The following TMEM192 variants were observed in gnomAD, a reference collection of about 807,000 sequenced individuals.
TMEM192 encodes transmembrane protein 192.
A neutral mutation model predicts 26.7 loss-of-function variants in TMEM192; 20 were observed. The observed-to-expected ratio is 0.75, with a 90% CI of 0.53 to 1.09. The LOEUF (loss-of-function observed/expected upper bound fraction) is 1.09, where lower values mean the gene tolerates loss of function less well. TMEM192 is among the 50% of genes least tolerant of loss of function. The probability of loss-of-function intolerance (pLI) is 0.00; values close to 1 mark genes in which losing one functional copy is unlikely to be tolerated. For synonymous variants in TMEM192, 124 were observed against 121.0 expected (o/e 1.02, Z -0.16); for missense variants, 304 against 322.6 (o/e 0.94, Z 0.44).
At chr4:165,100,445 A>C (rs1215385096) in intron 3 of TMEM192, among the ~76,000 whole-genome samples, 183 bp downstream of exon 3, 1 of 152,228 alleles carries the variant, frequency 6.6e-6, no homozygotes, top group Non-Finnish European at 1.5e-5. Context: ...GGCGTGAGCC[A>C]CCGCACCCGG....
At position 165,078,237 on chromosome 4, in the gene TMEM192, T is replaced by A. The variant is rs1487326808; in HGVS notation, c.*1421A>T. On this transcript the variant is annotated 3_prime_UTR_variant, in exon 6 of 6. Transcript: ENST00000306480. ...CCCTATATGGTTACATATCAAATATTGAATATTCAGCTAATGATCAAAAAA... is the reference window on the plus strand; with the variant it reads ...CCCTATATGGTTACATATCAAATATAGAATATTCAGCTAATGATCAAAAAA... 2 of 152,172 alleles carry A rather than the reference T, an allele frequency of 1.3e-5. No individual in the cohort carries two copies. Among genetic ancestry groups the A allele is most frequent in the Non-Finnish European group, 2.9e-5 (2 of 68,038 alleles). The allele number at this position is 152,172 out of a possible 1,614,324, so 9.4% of individuals were successfully genotyped here.
intron 3 of TMEM192, among the ~76,000 whole-genome samples, chr4:165,097,569 CTTT>C (rs574785092): frequency 9.3e-6 from 1 of 107,992 alleles, no homozygotes; most frequent in Non-Finnish European, 1.8e-5. Context: ...TCTGTGGAGC[CTTT>C]TTTTTTTTTT....
chr4:165,095,950 A>ATT (rs35383218), intron 3 of TMEM192, among the ~76,000 whole-genome samples: 2 of 136,310 alleles, frequency 1.5e-5, no homozygotes, highest in African/African-American at 2.7e-5. Context: ...TGCCCAGCTA[A>ATT]TTTTTTTTTT....
At position 165,079,557 on chromosome 4, in the gene TMEM192, A is replaced by G. The variant is rs1734471136; in HGVS notation, c.*101T>C. 7.3e-7 allele frequency: 1 copy of G among 1,363,710 alleles called. No individual in the cohort carries two copies. The highest frequency in any genetic ancestry group is 9.9e-7 in the Non-Finnish European group (1 of 1,015,144). 84.5% of individuals were successfully genotyped at this position (1,363,710 alleles called of 1,614,324 possible). ...TTTCCAACAAACACTGTAAAATGCT[A>G]TTCAGCAAAAGCTGCAGTTCCCCGT... On this transcript the variant is annotated 3_prime_UTR_variant, in exon 6 of 6. Transcript: ENST00000306480.
In TMEM192 at chr4:165,100,873, G is replaced by A; in HGVS notation, c.194C>T (p.Ala65Val). The change falls in exon 3 of 6, where the codon GCA (alanine) becomes GTA (valine). Residue 65 changes from alanine (A) to valine (V), a missense_variant. Transcript: ENST00000306480. ...WFIHLVFVVLAFLTGVLCSYP... is the reference protein window; with the variant it reads ...WFIHLVFVVLVFLTGVLCSYP... ...AGAACAAAGCACACCTGTTAAAAAT[G>A]CTAAAACAACAAACACGAGCTGGGG... 6.2e-7 allele frequency: 1 copy of A among 1,611,386 alleles called. No individual in the cohort carries two copies. The highest frequency in any genetic ancestry group is 8.5e-7 in the Non-Finnish European group (1 of 1,179,214).
chr4:165,107,116 C>G (rs1177945662), intron 1 of TMEM192, among the ~76,000 whole-genome samples: 2 of 151,548 alleles, frequency 1.3e-5, no homozygotes, highest in East Asian at 3.9e-4. Context: ...CCTCTGCTTC[C>G]TGGGTTCAAA....
chr4:165,107,850 T>C lies in TMEM192; in HGVS notation c.28-4754A>G, dbSNP rs530955653. On this transcript the variant is annotated intron_variant, in intron 1 of 5. Transcript: ENST00000306480. ...TTCCTACTGCACTCTTAATCTGACATTGTAGTTTTCATCTGTACAAGTTTG... is the reference window on the plus strand; with the variant it reads ...TTCCTACTGCACTCTTAATCTGACACTGTAGTTTTCATCTGTACAAGTTTG... 9.7e-4 allele frequency among the ~76,000 whole-genome samples: 147 copies of C among 152,318 alleles called. 4 individuals carry two copies. In the South Asian group the frequency reaches 0.027, roughly 28 times the overall value.
At chr4:165,096,900 CTGAG>C (rs929536736) in intron 3 of TMEM192, among the ~76,000 whole-genome samples, 1 of 152,036 alleles carries the variant, frequency 6.6e-6, no homozygotes, top group South Asian at 2.1e-4. Flanking sequence ...ACTTGAGAAA[CTGAG>C]TATTATTTTG....
chr4:165,094,656 C>CAA (rs113595881), intron 3 of TMEM192, among the ~76,000 whole-genome samples: 1 of 121,080 alleles, frequency 8.3e-6, no homozygotes, highest in Non-Finnish European at 1.8e-5. Flanking sequence ...GACTCTGTCT[C>CAA]AAAAAAAAAA....
chr4:165,087,070 C>T (rs1384617858), intron 4 of TMEM192, among the ~76,000 whole-genome samples: 7 of 151,988 alleles, frequency 4.6e-5, no homozygotes, highest in Admixed American at 2.0e-4. Flanking sequence ...GCTGAGATCA[C>T]GCCATTGCAC....
chr4:165,086,920 C>A (rs1013399942), intron 4 of TMEM192, among the ~76,000 whole-genome samples: 2 of 152,046 alleles, frequency 1.3e-5, no homozygotes, highest in African/African-American at 4.8e-5. Flanking sequence ...TTGAGACCAG[C>A]CTGGCGAACA....
At position 165,100,772 on chromosome 4, in the gene TMEM192, C is replaced by T; in HGVS notation, c.295G>A (p.Gly99Arg). 1 of 1,614,042 alleles carries T rather than the reference C, an allele frequency of 6.2e-7. No homozygotes were observed. The highest frequency in any genetic ancestry group is 1.1e-5 in the South Asian group (1 of 91,080). The change falls in exon 3 of 6, where the codon GGG (glycine) becomes AGG (arginine). Residue 99 changes from glycine to arginine, a missense_variant. Transcript: ENST00000306480. Reference sequence around the variant, plus strand: ...TGGAGAATCCACAAAATAACTTTCCCAAGGATTATAACCGTCTGAACTTTC... The same window carrying T: ...TGGAGAATCCACAAAATAACTTTCCTAAGGATTATAACCGTCTGAACTTTC... ...PLKVQTVIIL[G>R]KVILWILHLL...
chr4:165,102,106 G>A (rs12642069), intron 2 of TMEM192, among the ~76,000 whole-genome samples: 18,601 of 152,088 alleles, frequency 0.12, 1,353 homozygotes, highest in East Asian at 0.29. Context: ...TGAGGCCTGC[G>A]ATAAGACCTT....
chr4:165,099,066 T>G (rs1734979304), intron 3 of TMEM192, among the ~76,000 whole-genome samples: 2 of 151,530 alleles, frequency 1.3e-5, no homozygotes, highest in African/African-American at 4.8e-5. Flanking sequence ...TTTTAAAAGG[T>G]AGAAACTAAG....
At chr4:165,112,620 G>T in intron 1 of TMEM192, 127 bp downstream of exon 1, 1 of 1,387,070 alleles carries the variant, frequency 7.2e-7, no homozygotes, top group African/African-American at 1.5e-5. Context: ...GGGCACAGGC[G>T]GCGCCCCCTT....
chr4:165,093,170 C>T (rs1225770502), intron 3 of TMEM192, among the ~76,000 whole-genome samples: 1 of 139,812 alleles, frequency 7.2e-6, no homozygotes, highest in East Asian at 2.1e-4. Flanking sequence ...GATCTCAGCT[C>T]ACGGCAACCT....
At chr4:165,090,545 A>C (rs993666517) in intron 3 of TMEM192, among the ~76,000 whole-genome samples, 2 of 152,066 alleles carry the variant, frequency 1.3e-5, no homozygotes, top group African/African-American at 4.8e-5. Flanking sequence ...TCTCCTTTAC[A>C]ACAAACCATA....
Position 165,083,890 on chromosome 4 carries a change from T to C in TMEM192, c.677+1696A>G, listed in dbSNP as rs10032165. 6.0e-3 allele frequency among the ~76,000 whole-genome samples: 44 copies of C among 7,366 alleles called. 21 individuals are homozygous for C. The highest frequency in any genetic ancestry group is 0.052 in the Non-Finnish European group (37 of 716). The allele number at this position is 7,366 out of a possible 152,430, so 4.8% of individuals were successfully genotyped here. On this transcript the variant is annotated intron_variant, in intron 5 of 5. Transcript: ENST00000306480. ...AGGCTGGAGTGCAGTGGCGCAATCT[T>C]AGCTCACTGCAACCTCCGCCTCACA...
intron 1 of TMEM192, among the ~76,000 whole-genome samples, chr4:165,111,236 G>C (rs1292125230): frequency 6.6e-6 from 1 of 152,090 alleles, no homozygotes; most frequent in Non-Finnish European, 1.5e-5. Flanking sequence ...TGGGATTACA[G>C]GCCCCCACCA....
Sources: gnomAD v4.1 joint callset for allele counts (sites outside exome capture counted in the v4.1 genomes callset) on GRCh38, gnomAD v4.1.1 for gene constraint, MANE v1.5 for transcripts, NCBI Gene and HGNC (gene_info 2026-07-23, HGNC 2026-07-21) for gene names.